The following PPP1R1C variants were observed in gnomAD, a reference collection of about 807,000 sequenced individuals.
The protein encoded by PPP1R1C is protein phosphatase 1 regulatory subunit 1C.
In PPP1R1C, 15 loss-of-function variants were observed where a neutral mutation model predicts 17.4. The observed-to-expected ratio is 0.86, with a 90% CI of 0.58 to 1.33. The LOEUF (loss-of-function observed/expected upper bound fraction) is 1.33, where lower values mean the gene tolerates loss of function less well. Among genes scored for constraint, PPP1R1C ranks in the 40% most tolerant of loss-of-function variants. The probability of loss-of-function intolerance (pLI) is 0.00; values close to 1 mark genes in which losing one functional copy is unlikely to be tolerated. For synonymous variants in PPP1R1C, 35 were observed against 43.1 expected, an observed-to-expected ratio of 0.81 and a Z score of 0.73; for missense variants, 143 against 130.0, an observed-to-expected ratio of 1.10 and a Z score of -0.48.
intron 2 of PPP1R1C, among the ~76,000 whole-genome samples, chr2:182,048,621 T>C (rs555014606): frequency 6.6e-6 from 1 of 152,352 alleles, no homozygotes; most frequent in South Asian, 2.1e-4. Context: ...ATTTCTTTCA[T>C]TTCTCTTTGA....
At chr2:182,010,679 G>A (rs1244733268) in intron 2 of PPP1R1C, among the ~76,000 whole-genome samples, 1 of 152,030 alleles carries the variant, frequency 6.6e-6, no homozygotes, top group Admixed American at 6.5e-5. Context: ...AATGGTGAAA[G>A]TGGTCGGCCT....
intron 2 of PPP1R1C, among the ~76,000 whole-genome samples, chr2:182,060,074 C>A (rs574466896): frequency 6.6e-6 from 1 of 152,160 alleles, no homozygotes; most frequent in South Asian, 2.1e-4. Flanking sequence ...TTTAGTATAT[C>A]CATAGCTGCC....
intron 4 of PPP1R1C, among the ~76,000 whole-genome samples, chr2:182,113,227 A>G (rs945253774): frequency 5.3e-5 from 8 of 152,202 alleles, no homozygotes; most frequent in African/African-American, 1.9e-4. Context: ...ATATTGAGTT[A>G]TAATCTGCCT....
At chr2:182,075,115 T>C (rs1488634442) in intron 4 of PPP1R1C, among the ~76,000 whole-genome samples, 5 of 152,244 alleles carry the variant, frequency 3.3e-5, no homozygotes. Flanking sequence ...CATTGCATCC[T>C]TTCTGGTATA....
chr2:182,113,167 C>T (rs540433913), intron 4 of PPP1R1C, among the ~76,000 whole-genome samples: 2 of 152,298 alleles, frequency 1.3e-5, no homozygotes, highest in Non-Finnish European at 2.9e-5. Context: ...GGAACTCACT[C>T]ATTTGTTTAT....
At chr2:182,111,725 T>A (rs1446275675) in intron 4 of PPP1R1C, among the ~76,000 whole-genome samples, 1 of 151,476 alleles carries the variant, frequency 6.6e-6, no homozygotes, top group African/African-American at 2.4e-5. Context: ...TATTGAGTCA[T>A]AAAATTATAA....
chr2:182,045,222 TCC>T (rs1475570502), intron 2 of PPP1R1C, among the ~76,000 whole-genome samples: 1 of 152,174 alleles, frequency 6.6e-6, no homozygotes, highest in Non-Finnish European at 1.5e-5. Flanking sequence ...GAAAACAGAA[TCC>T]AATTACACAG....
In PPP1R1C at chr2:182,070,407, G is replaced by A. The variant is rs139768253; in HGVS notation, c.241+6616G>A. Among the ~76,000 whole-genome samples, 460 of 152,266 alleles carry A rather than the reference G, an allele frequency of 3.0e-3. 2 individuals carry two copies. The highest frequency in any genetic ancestry group is 0.01 in the African/African-American group (424 of 41,542). On this transcript the variant is annotated intron_variant, in intron 4 of 4. Coordinates refer to ENST00000682840, the MANE Select transcript of PPP1R1C (RefSeq NM_001080545.3). ...TATGTAGATAATATCACTTTCCAAA[G>A]CATTTGAAGCCCTTGTTCATTTGAT...
At chr2:182,020,710 A>C (rs933204772) in intron 2 of PPP1R1C, among the ~76,000 whole-genome samples, 1 of 152,140 alleles carries the variant, frequency 6.6e-6, no homozygotes, top group Non-Finnish European at 1.5e-5. Context: ...TGCTTTTTAA[A>C]GTGAGTAGGA....
chr2:182,093,516 G>A (rs1157095861), intron 4 of PPP1R1C, among the ~76,000 whole-genome samples: 2 of 152,154 alleles, frequency 1.3e-5, no homozygotes, highest in Non-Finnish European at 1.5e-5. Context: ...CAGAAAATGC[G>A]ATTTTCTTTT....
intron 4 of PPP1R1C, among the ~76,000 whole-genome samples, chr2:182,112,336 G>A (rs1343862691): frequency 6.6e-6 from 1 of 152,014 alleles, no homozygotes; most frequent in Non-Finnish European, 1.5e-5. Context: ...GTGTTCCTGG[G>A]CAAGGTTAAA....
chr2:182,046,422 T>A (rs544474260), intron 2 of PPP1R1C, among the ~76,000 whole-genome samples: 1 of 152,166 alleles, frequency 6.6e-6, no homozygotes, highest in South Asian at 2.1e-4. Context: ...CCCAAATTAG[T>A]CATAGAAATT....
At chr2:182,118,285 C>A (rs571153631), downstream of PPP1R1C, among the ~76,000 whole-genome samples, 2 of 152,140 alleles carry the variant, frequency 1.3e-5, no homozygotes, top group South Asian at 4.2e-4. Flanking sequence ...TAGCATAAAG[C>A]AAGATTTTAT....
chr2:182,047,298 G>A (rs1177217740), intron 2 of PPP1R1C, among the ~76,000 whole-genome samples: 2 of 151,988 alleles, frequency 1.3e-5, no homozygotes, highest in African/African-American at 2.4e-5. Flanking sequence ...CTATTTAAAG[G>A]AATCTATAGA....
At chr2:182,053,988 G>A (rs987482898) in intron 2 of PPP1R1C, among the ~76,000 whole-genome samples, 3 of 152,000 alleles carry the variant, frequency 2.0e-5, no homozygotes, top group Non-Finnish European at 4.4e-5. Flanking sequence ...GATTACAGGC[G>A]TGAGCCACCA....
rs1439756384 is a variant in PPP1R1C, at chr2:181,967,247, A to C, written n.112-7972A>C. Among the ~76,000 whole-genome samples the C allele has an allele frequency of 6.6e-6, 1 of 152,140 alleles. No individual in the cohort carries two copies. Among genetic ancestry groups the C allele is most frequent in the Non-Finnish European group, 1.5e-5 (1 of 68,006 alleles). ...GTTGGTTTTATCTTTTCAAAAAACC[A>C]AATTTTCCCTTTATTAATCTCATAT... On this transcript the variant is annotated intron_variant and non_coding_transcript_variant, in intron 1 of 5. Transcript: ENST00000464264. The surrounding 1 kb of genome is among the most constrained non-coding windows in gnomAD (Gnocchi z 5.5).
intron 2 of PPP1R1C, among the ~76,000 whole-genome samples, chr2:181,990,016 T>G (rs558317883): frequency 2.0e-5 from 3 of 151,938 alleles, no homozygotes; most frequent in Non-Finnish European, 4.4e-5. Context: ...ACTCTAAAGA[T>G]AAAACAACAA....
chr2:182,017,004 A>G (rs996648724), intron 2 of PPP1R1C, among the ~76,000 whole-genome samples: 1 of 152,206 alleles, frequency 6.6e-6, no homozygotes, highest in African/African-American at 2.4e-5. Context: ...TTTCCTTGTC[A>G]TCACAAATTC....
At chr2:182,041,447 A>G (rs1289335494) in intron 2 of PPP1R1C, among the ~76,000 whole-genome samples, 1 of 151,938 alleles carries the variant, frequency 6.6e-6, no homozygotes, top group Non-Finnish European at 1.5e-5. Context: ...TATCTCTACT[A>G]AAAATACAAA....
Sources: gnomAD v4.1 joint callset for allele counts (sites outside exome capture counted in the v4.1 genomes callset) on GRCh38, gnomAD v4.1.1 for gene constraint, Gnocchi (gnomAD v3.1) non-coding constraint, MANE v1.5 for transcripts, NCBI Gene and HGNC (gene_info 2026-07-23, HGNC 2026-07-21) for gene names.